Variants in ABCA9 observed in about 807,000 individuals in gnomAD.
ABCA9 encodes the protein ATP binding cassette subfamily A member 9.
ABCA9 carries 183 observed loss-of-function variants against 205.3 expected under a neutral mutation model. That is an observed-to-expected ratio of 0.89 (90% CI 0.79 to 1.01). The LOEUF (loss-of-function observed/expected upper bound fraction) is 1.01. Among genes scored for constraint, ABCA9 ranks in the 50% least tolerant of loss-of-function variants. ABCA9 has a pLI of 0.00. For missense variants in ABCA9, 1,805 were observed against 1,912.4 expected (o/e 0.94, Z 1.05); for synonymous variants, 651 against 683.3 (o/e 0.95, Z 0.74).
Position 68,975,956 on chromosome 17 carries a change from G to A in ABCA9, c.4834C>T (p.Pro1612Ser), listed in dbSNP as rs762709359. 4 of 1,613,638 alleles carry A rather than the reference G, an allele frequency of 2.5e-6. No homozygotes were observed. Among genetic ancestry groups the A allele is most frequent in the Non-Finnish European group, 3.4e-6 (4 of 1,179,836 alleles). The change falls in exon 39 of 39, where the codon CCC becomes TCC. Residue 1612 changes from proline (P) to serine (S), a missense_variant. By Grantham distance (74) the Pro-to-Ser change is moderately conservative (BLOSUM62 -1). Coordinates refer to ENST00000340001, the MANE Select transcript of ABCA9 (RefSeq NM_080283.4). ...ELGDLEEDFD[P>S]SVKWKLLLQE... is the part of the protein sequence containing the mutation. The stretch of plus-strand genomic sequence containing the variant: ...AGGAGGAGTTTCCACTTCACCGAGG[G>A]ATCAAAGTCCTCTTCAAGATCACCC...
chr17:68,990,009 C>T (rs1042803253), intron 29 of ABCA9, 79 bp from the exon 30 acceptor site: 6 of 1,006,886 alleles, frequency 6.0e-6, no homozygotes, highest in Middle Eastern at 2.1e-4. Context: ...TGTCACCAAA[C>T]CTTTCCTTAT....
At chr17:69,022,872 A>C (rs545751330) in intron 17 of ABCA9, among the ~76,000 whole-genome samples, 1 of 152,342 alleles carries the variant, frequency 6.6e-6, no homozygotes, top group Non-Finnish European at 1.5e-5. Context: ...AAAGAAAAAT[A>C]GAGATGTAGT....
intron 19 of ABCA9, among the ~76,000 whole-genome samples, chr17:69,018,944 T>G (rs2070728479): frequency 6.6e-6 from 1 of 152,160 alleles, no homozygotes; most frequent in South Asian, 2.1e-4. Flanking sequence ...CTTACTACAC[T>G]CTGAACTTTA....
chr17:69,008,331 G>A (rs1011854845), intron 23 of ABCA9, 96 bp from the exon 24 acceptor site: 49 of 1,179,704 alleles, frequency 4.2e-5, no homozygotes, highest in Non-Finnish European at 5.7e-5. Context: ...TTTTTGCTTC[G>A]CCTTTTAGAA....
intron 25 of ABCA9, among the ~76,000 whole-genome samples, chr17:69,001,144 G>T (rs1252571280): frequency 1.5e-4 from 23 of 151,200 alleles, no homozygotes; most frequent in South Asian, 2.1e-4. Flanking sequence ...TGGCCAGAAC[G>T]TCTAACACTA....
chr17:69,004,062 C>A (rs1480665578), intron 25 of ABCA9, among the ~76,000 whole-genome samples: 1 of 152,136 alleles, frequency 6.6e-6, no homozygotes, highest in Non-Finnish European at 1.5e-5. Context: ...CTTTGGTTTG[C>A]ATGTCTTCCC....
At chr17:69,046,719 A>G (rs732012) in intron 3 of ABCA9, among the ~76,000 whole-genome samples, 130,646 of 150,884 alleles carry the variant, frequency 0.87, 57,638 homozygotes, top group East Asian at 1. Flanking sequence ...TCACACACTC[A>G]AGACAAGAAG....
the ABCA9 span, among the ~76,000 whole-genome samples, chr17:69,077,957 G>A: frequency 2.6e-5 from 4 of 151,996 alleles, no homozygotes; most frequent in South Asian, 4.2e-4. Context: ...ACTTATATAA[G>A]GGAGAAATGA....
At chr17:68,984,585 T>G (rs1054626030) in intron 34 of ABCA9, among the ~76,000 whole-genome samples, 3 of 152,176 alleles carry the variant, frequency 2.0e-5, no homozygotes, top group Non-Finnish European at 4.4e-5. Context: ...CCATAGGAAT[T>G]GTATATCAGG....
In ABCA9 at chr17:68,983,921, G is replaced by A. The variant is rs2069144099; in HGVS notation, c.4500-72C>T. The A allele has an allele frequency of 3.7e-6, 6 of 1,608,084 alleles. No homozygotes were observed. The Admixed American group carries it at 6.7e-5, about 18-fold the overall frequency. On this transcript the variant is annotated intron_variant, in intron 35 of 38. Transcript: ENST00000340001. ...TATGGCTTGTGATGTTCAGCCTCTG[G>A]AGGCCAGAGTAAGGCCACATAGAGT...
At chr17:69,038,442 T>C (rs1260943413) in intron 6 of ABCA9, among the ~76,000 whole-genome samples, 2 of 152,068 alleles carry the variant, frequency 1.3e-5, no homozygotes, top group Non-Finnish European at 2.9e-5. Flanking sequence ...TAATCCATCA[T>C]ATAAACAGAA....
chr17:69,045,233 G>T lies in ABCA9; in HGVS notation c.408C>A (p.Tyr136Ter). 6.2e-7 allele frequency: 1 copy of T among 1,612,994 alleles called. No homozygotes were observed. Among genetic ancestry groups the T allele is most frequent in the South Asian group, 1.1e-5 (1 of 91,008 alleles). Residue 136 changes from tyrosine (Y) to a stop codon, truncating the protein, a stop_gained, in exon 4 of 39, where the codon TAC (tyrosine) becomes TAA (stop). Transcript: ENST00000340001. LOFTEE classifies it high-confidence loss of function. The stretch of plus-strand genomic sequence containing the variant: ...TATGTCCCCAAGAAAACTTCAAATG[G>T]TAGGAGAAGGTATCAGTAAAGATGA... ...VRVIFTDTFSYHLKFSWGHRI... is the reference protein window; with the variant it reads ...VRVIFTDTFS
At chr17:69,057,587 T>C (rs111373548) in intron 1 of ABCA9, among the ~76,000 whole-genome samples, 28 of 152,382 alleles carry the variant, frequency 1.8e-4, no homozygotes, top group African/African-American at 6.7e-4. Context: ...ATTCAGGATA[T>C]GTCTGTCCAA....
the ABCA9 span, among the ~76,000 whole-genome samples, chr17:69,073,792 G>T: frequency 6.6e-6 from 1 of 152,060 alleles, no homozygotes; most frequent in Admixed American, 6.6e-5. Flanking sequence ...AAACTCCTGG[G>T]CTTAAACTGT....
At chr17:68,976,230 T>C in intron 37 of ABCA9, 40 bp from the exon 38 acceptor site, 2 of 1,585,428 alleles carry the variant, frequency 1.3e-6, no homozygotes, top group Non-Finnish European at 1.7e-6. Flanking sequence ...TCTATTTTTT[T>C]TTTCAGTGAG....
intron 1 of ABCA9, among the ~76,000 whole-genome samples, chr17:69,060,445 A>G (rs1312621189): frequency 6.6e-6 from 1 of 152,200 alleles, no homozygotes; most frequent in Non-Finnish European, 1.5e-5. Flanking sequence ...AATATTCTCA[A>G]GCCATTTAAA....
At chr17:69,069,135 A>C in the ABCA9 span, among the ~76,000 whole-genome samples, 1 of 152,216 alleles carries the variant, frequency 6.6e-6, no homozygotes, top group Non-Finnish European at 1.5e-5. Flanking sequence ...AAAAAACCTA[A>C]GCAAACTGAA....
At chr17:69,026,784 C>T (rs747867000) in intron 15 of ABCA9, among the ~76,000 whole-genome samples, 192 bp downstream of exon 15, 5 of 152,188 alleles carry the variant, frequency 3.3e-5, no homozygotes, top group Admixed American at 6.5e-5. Flanking sequence ...CAGAAAGCTG[C>T]TCTGCAATGG....
At chr17:69,046,913 AAAAT>A (rs2071734829) in intron 3 of ABCA9, among the ~76,000 whole-genome samples, 2 of 122,192 alleles carry the variant, frequency 1.6e-5, no homozygotes, top group African/African-American at 2.9e-5. Context: ...ATATATATAT[AAAAT>A]TTTATATATA....
Sources: gnomAD v4.1 joint callset for allele counts (sites outside exome capture counted in the v4.1 genomes callset) on GRCh38, gnomAD v4.1.1 for gene constraint, MANE v1.5 for transcripts, NCBI Gene and HGNC (gene_info 2026-07-23, HGNC 2026-07-21) for gene names.